CD38: variants seen among roughly 807,000 people sequenced by gnomAD.
CD38 encodes the protein ADP-ribosyl cyclase/cyclic ADP-ribose hydrolase 1.
Under a neutral mutation model 36.3 loss-of-function variants are expected in CD38, and 31 were observed. The ratio of observed to expected loss-of-function variants is 0.85; its 90% CI spans 0.64 to 1.15. The LOEUF is 1.15. Ranked by LOEUF, CD38 falls within the 50% of genes most tolerant of loss-of-function variation. CD38 has a pLI of 0.00. For missense variants in CD38, 380 were observed against 371.9 expected (o/e 1.02, Z -0.18); for synonymous variants, 131 against 135.2 (o/e 0.97, Z 0.22).
intron 5 of CD38, among the ~76,000 whole-genome samples, chr4:15,839,447 G>A (rs1387944602): frequency 9.6e-6 from 1 of 104,388 alleles, no homozygotes; most frequent in Admixed American, 1.4e-4. Context: ...TTTTTGAGAT[G>A]GCGTCTCGCT....
intron 5 of CD38, among the ~76,000 whole-genome samples, 163 bp from the exon 6 acceptor site, chr4:15,839,863 G>T (rs149280856): frequency 7.1e-4 from 108 of 152,278 alleles, no homozygotes; most frequent in Middle Eastern, 6.8e-3. Context: ...TTAACCGAGG[G>T]TCATGCTGAA....
chr4:15,836,784 AC>A (rs1724076776), intron 4 of CD38, among the ~76,000 whole-genome samples: 1 of 152,146 alleles, frequency 6.6e-6, no homozygotes, highest in Admixed American at 6.5e-5. Context: ...ATTCATGTAA[AC>A]CCTGGTACGA....
intron 2 of CD38, among the ~76,000 whole-genome samples, chr4:15,821,001 A>G (rs1263188755): frequency 6.6e-6 from 1 of 152,240 alleles, no homozygotes; most frequent in African/African-American, 2.4e-5. Context: ...CACAGACCAC[A>G]GCACAATCAA....
intron 1 of CD38, among the ~76,000 whole-genome samples, chr4:15,785,027 G>C (rs1722781216): frequency 6.6e-6 from 1 of 150,594 alleles, no homozygotes; most frequent in African/African-American, 2.5e-5. Flanking sequence ...CTACACTCCA[G>C]CCTGGGTGAC....
At position 15,848,635 on chromosome 4, in the gene CD38, T is replaced by G. The variant is rs745895624; in HGVS notation, c.*33T>G. 1 of 1,575,346 alleles carries G rather than the reference T, an allele frequency of 6.3e-7. No homozygotes were observed. Among genetic ancestry groups the G allele is most frequent in the South Asian group, 1.1e-5 (1 of 90,088 alleles). Reference sequence around the variant, plus strand: ...GCTGTGGTTGTTTTAGCTCCTTGACTCCTTGTGGTTTATGTCATCATACAT... The same window carrying G: ...GCTGTGGTTGTTTTAGCTCCTTGACGCCTTGTGGTTTATGTCATCATACAT... On this transcript the variant is annotated 3_prime_UTR_variant, in exon 8 of 8. Transcript: ENST00000226279.
chr4:15,804,870 G>A (rs1310516584), intron 1 of CD38, among the ~76,000 whole-genome samples: 2 of 152,112 alleles, frequency 1.3e-5, no homozygotes, highest in Non-Finnish European at 2.9e-5. Context: ...GGTGACTATA[G>A]TGAACAATAA....
chr4:15,787,643 T>G (rs1722870764), intron 1 of CD38, among the ~76,000 whole-genome samples: 1 of 152,194 alleles, frequency 6.6e-6, no homozygotes, highest in African/African-American at 2.4e-5. Context: ...GAATGCCACG[T>G]CCTCTCCTGG....
chr4:15,807,638 A>G (rs1406008288), intron 1 of CD38, among the ~76,000 whole-genome samples: 1 of 152,254 alleles, frequency 6.6e-6, no homozygotes, highest in East Asian at 1.9e-4. Flanking sequence ...GAGCTAAAGC[A>G]GCTAGACTGG....
intron 7 of CD38, among the ~76,000 whole-genome samples, chr4:15,841,521 A>G (rs1354793209): frequency 6.6e-6 from 1 of 152,118 alleles, no homozygotes; most frequent in African/African-American, 2.4e-5. Flanking sequence ...GAATGAATGA[A>G]GGAGCAACTG....
chr4:15,843,304 C>A (rs1724243915), intron 7 of CD38, among the ~76,000 whole-genome samples: 1 of 70,016 alleles, frequency 1.4e-5, no homozygotes. Flanking sequence ...CATATCCAGC[C>A]AAACTAAGCT....
intron 3 of CD38, among the ~76,000 whole-genome samples, chr4:15,832,516 C>G (rs1047967030): frequency 1.3e-5 from 2 of 152,102 alleles, no homozygotes; most frequent in African/African-American, 4.8e-5. Flanking sequence ...ATGGAGGTAC[C>G]ACCTTGATGG....
chr4:15,827,077 G>A (rs1723866750), intron 3 of CD38, among the ~76,000 whole-genome samples: 1 of 152,280 alleles, frequency 6.6e-6, no homozygotes, highest in Middle Eastern at 3.4e-3. Context: ...TACGTAAGTA[G>A]TCACTCATTT....
Position 15,816,626 on chromosome 4 carries a change from G to T in CD38, c.349G>T (p.Val117Leu), listed in dbSNP as rs375909727. The change falls in exon 2 of 8, where the codon GTA becomes TTA. Residue 117 changes from valine to leucine, a missense_variant. Val to Leu is a conservative substitution (Grantham distance 32, BLOSUM62 1). Coordinates refer to ENST00000226279, the MANE Select transcript of CD38 (RefSeq NM_001775.4). ...ACTAATGAAGTTGGGAACTCAGACC[G>T]TACCTTGCAACAAGGTAATTGGGGG... is the stretch of plus-strand genomic sequence containing the variant. ...QPLMKLGTQT[V>L]PCNKILLWSR... The T allele has an allele frequency of 6.2e-7, 1 of 1,613,642 alleles. No individual in the cohort carries two copies. The highest frequency in any genetic ancestry group is 1.7e-5 in the Admixed American group (1 of 60,008).
At position 15,838,129 on chromosome 4, in the gene CD38, T is replaced by A; in HGVS notation, c.623T>A (p.Leu208His). The A allele has an allele frequency of 6.2e-7, 1 of 1,613,892 alleles. No homozygotes were observed. Among genetic ancestry groups the A allele is most frequent in the Non-Finnish European group, 8.5e-7 (1 of 1,179,834 alleles). ...EAACDVVHVM[L>H]NGSRSKIFDK... is the part of the protein sequence containing the mutation. ...GCCTGTGATGTGGTCCATGTGATGC[T>A]CAATGGATCCCGCAGTAAAATCTTT... Residue 208 changes from leucine (L) to histidine (H), a missense_variant, in exon 5 of 8, where the codon CTC (leucine) becomes CAC (histidine). Leu to His is a moderately conservative substitution (Grantham distance 99). Coordinates refer to ENST00000226279, the MANE Select transcript of CD38 (RefSeq NM_001775.4).
intron 2 of CD38, among the ~76,000 whole-genome samples, chr4:15,820,050 TAAAG>T (rs1257802350): frequency 6.6e-6 from 1 of 152,192 alleles, no homozygotes; most frequent in Admixed American, 6.5e-5. Flanking sequence ...TCAACATTCT[TAAAG>T]AAAATAATTT....
At position 15,824,960 on chromosome 4, in the gene CD38, C is replaced by A. The variant is rs138866692; in HGVS notation, c.443C>A (p.Thr148Lys). 3 of 1,613,812 alleles carry A rather than the reference C, an allele frequency of 1.9e-6. No homozygotes were observed. The highest frequency in any genetic ancestry group is 2.5e-6 in the Non-Finnish European group (3 of 1,179,842). Residue 148 changes from threonine to lysine, a missense_variant, in exon 3 of 8, where the codon ACG (threonine) becomes AAG (lysine). Coordinates refer to ENST00000226279, the MANE Select transcript of CD38 (RefSeq NM_001775.4). ...VQRDMFTLED[T>K]LLGYLADDLT... ...CGGGACATGTTCACCCTGGAGGACA[C>A]GCTGCTAGGCTACCTTGCTGATGAC... is the stretch of plus-strand genomic sequence containing the variant.
chr4:15,805,018 T>C (rs1251698760), intron 1 of CD38, among the ~76,000 whole-genome samples: 2 of 152,132 alleles, frequency 1.3e-5, no homozygotes, highest in African/African-American at 4.8e-5. Context: ...TATTGAAATG[T>C]CACTTCACCC....
At position 15,785,219 on chromosome 4, in the gene CD38, C is replaced by T. The variant is rs371968738; in HGVS notation, c.233+6572C>T. ...AAGGAAGGGTAGAGTGGAGTACTTACGCAAATTAGCTAATTCTGGGAGCTT... is the reference window on the plus strand; with the variant it reads ...AAGGAAGGGTAGAGTGGAGTACTTATGCAAATTAGCTAATTCTGGGAGCTT... On this transcript the variant is annotated intron_variant, in intron 1 of 7. Coordinates refer to ENST00000226279, the MANE Select transcript of CD38 (RefSeq NM_001775.4). Among the ~76,000 whole-genome samples, 9 of 152,120 alleles carry T rather than the reference C, an allele frequency of 5.9e-5. No homozygotes were observed. In the East Asian group the frequency reaches 7.7e-4, roughly 13 times the overall value.
intron 5 of CD38, among the ~76,000 whole-genome samples, chr4:15,838,631 C>T (rs745899237): frequency 4.6e-5 from 7 of 152,262 alleles, no homozygotes; most frequent in Non-Finnish European, 5.9e-5. Context: ...AAACTACTAC[C>T]GGGAACATCG....
Sources: gnomAD v4.1 joint callset for allele counts (sites outside exome capture counted in the v4.1 genomes callset) on GRCh38, gnomAD v4.1.1 for gene constraint, MANE v1.5 for transcripts, NCBI Gene and HGNC (gene_info 2026-07-23, HGNC 2026-07-21) for gene names.